Variants in VPS13A observed in about 807,000 individuals in gnomAD.
VPS13A encodes vacuolar protein sorting 13 homolog A.
VPS13A carries 264 observed loss-of-function variants against 390.9 expected under a neutral mutation model. The ratio of observed to expected loss-of-function variants is 0.68; its 90% CI spans 0.61 to 0.75. VPS13A has a LOEUF of 0.75. Ranked by LOEUF, VPS13A falls within the 30% of genes least tolerant of loss-of-function variation. VPS13A has a pLI of 0.00. For missense variants in VPS13A, 3,409 were observed against 3,733.9 expected, an observed-to-expected ratio of 0.91 and a Z score of 2.27; for synonymous variants, 1,231 against 1,227.1, an observed-to-expected ratio of 1.00 and a Z score of -0.07.
intron 68 of VPS13A, chr9:77,389,977 C>T (rs1833839653): frequency 1.8e-6 from 1 of 556,140 alleles, no homozygotes; most frequent in Non-Finnish European, 2.3e-6. Flanking sequence ...TAATTAGCTT[C>T]AAACACTGCC....
Position 77,339,678 on chromosome 9 carries a change from G to A in VPS13A, c.6541G>A (p.Val2181Ile), listed in dbSNP as rs146158125. ...GCCTAATCAGCAAGACATTAGTTTTGTCAGTTTTACTTGTGTTACAGAAAT... is the reference window on the plus strand; with the variant it reads ...GCCTAATCAGCAAGACATTAGTTTTATCAGTTTTACTTGTGTTACAGAAAT... ...IKPNQQDISFVSFTCVTEMEK... is the reference protein window; with the variant it reads ...IKPNQQDISFISFTCVTEMEK... The change falls in exon 48 of 72, where the codon GTC (valine) becomes ATC (isoleucine). Residue 2181 changes from valine (V) to isoleucine (I), a missense_variant. Around this residue, in one of 5 missense-constraint regions of VPS13A, gnomAD observed 2,717 missense variants for 2,917.4 expected, o/e 0.93. Transcript: ENST00000360280. The A allele has an allele frequency of 2.0e-4, 326 of 1,613,884 alleles. 1 individual carries two copies. Among genetic ancestry groups the A allele is most frequent in the Middle Eastern group, 1.7e-4 (1 of 6,058 alleles).
rs557285967 is a variant in VPS13A, at chr9:77,372,104, A to G, written c.9077+955A>G. 5.4e-3 allele frequency among the ~76,000 whole-genome samples: 818 copies of G among 151,450 alleles called. 5 individuals are homozygous for G. Among genetic ancestry groups the G allele is most frequent in the Middle Eastern group, 0.017 (5 of 294 alleles). ...CTTTGCTATTGTGAATAATGCCGCA[A>G]TAAACATACGTGTGCGTGTGTCTTT... is the stretch of plus-strand genomic sequence containing the variant. On this transcript the variant is annotated intron_variant, in intron 67 of 71. Transcript: ENST00000360280.
chr9:77,383,364 T>A (rs547502250), intron 68 of VPS13A, among the ~76,000 whole-genome samples: 56 of 152,166 alleles, frequency 3.7e-4, no homozygotes, highest in African/African-American at 1.3e-3. Context: ...GGACAGATTG[T>A]GCAGTCTCTA....
intron 17 of VPS13A, among the ~76,000 whole-genome samples, chr9:77,236,788 C>T (rs1398591078): frequency 6.6e-6 from 1 of 152,226 alleles, no homozygotes; most frequent in African/African-American, 2.4e-5. Context: ...ATCTTCTTAG[C>T]TGCGCCCATA....
chr9:77,317,390 C>T (rs1451016742), intron 39 of VPS13A, among the ~76,000 whole-genome samples: 1 of 151,844 alleles, frequency 6.6e-6, no homozygotes, highest in Non-Finnish European at 1.5e-5. Flanking sequence ...ACCTTGTGCT[C>T]AGATAAAACT....
chr9:77,281,281 A>G (rs1034776939), intron 27 of VPS13A, among the ~76,000 whole-genome samples: 7 of 151,962 alleles, frequency 4.6e-5, no homozygotes, highest in African/African-American at 1.7e-4. Flanking sequence ...AACAACCAAG[A>G]AAGTGAATTT....
chr9:77,372,393 G>T (rs550466053), intron 67 of VPS13A, among the ~76,000 whole-genome samples: 419 of 152,064 alleles, frequency 2.8e-3, no homozygotes, highest in African/African-American at 3.5e-3. Context: ...TGCATTTCTC[G>T]GATGGCCAGT....
chr9:77,379,896 T>C (rs1393934020), intron 67 of VPS13A, among the ~76,000 whole-genome samples: 1 of 152,212 alleles, frequency 6.6e-6, no homozygotes, highest in Non-Finnish European at 1.5e-5. Context: ...AGTTCTCTTT[T>C]TTCCTTGCTG....
At chr9:77,254,162 C>G (rs955286793) in intron 22 of VPS13A, among the ~76,000 whole-genome samples, 2 of 152,002 alleles carry the variant, frequency 1.3e-5, no homozygotes, top group Non-Finnish European at 2.9e-5. Context: ...CCAGGATGGT[C>G]TTGATCTCCT....
chr9:77,208,842 G>A (rs939393498), intron 5 of VPS13A, among the ~76,000 whole-genome samples: 1 of 152,192 alleles, frequency 6.6e-6, no homozygotes, highest in African/African-American at 2.4e-5. Context: ...GAGCCACCTT[G>A]CCCCTCCAAT....
chr9:77,375,130 TG>T (rs1832997693), intron 67 of VPS13A, among the ~76,000 whole-genome samples: 1 of 152,186 alleles, frequency 6.6e-6, no homozygotes, highest in Non-Finnish European at 1.5e-5. Flanking sequence ...TTGAAACATA[TG>T]AAGGCTTCTT....
At chr9:77,335,757 A>G (rs1830508242) in intron 46 of VPS13A, among the ~76,000 whole-genome samples, 1 of 152,230 alleles carries the variant, frequency 6.6e-6, no homozygotes, top group Non-Finnish European at 1.5e-5. Flanking sequence ...TTTTGGTGGT[A>G]GTGTAAATTA....
intron 46 of VPS13A, among the ~76,000 whole-genome samples, chr9:77,336,509 G>A (rs886650686): frequency 6.6e-6 from 1 of 151,828 alleles, no homozygotes; most frequent in East Asian, 1.9e-4. Flanking sequence ...GAAAGCTTGC[G>A]ATTATTTTTT....
chr9:77,401,379 A>G (rs1281670636), intron 68 of VPS13A, among the ~76,000 whole-genome samples: 3 of 140,772 alleles, frequency 2.1e-5, no homozygotes, highest in Non-Finnish European at 3.2e-5. Context: ...GTGTGTAAAA[A>G]TTGGGAGGGA....
chr9:77,221,324 A>G lies in VPS13A; in HGVS notation c.1129A>G (p.Lys377Glu). The G allele has an allele frequency of 6.2e-7, 1 of 1,613,232 alleles. No individual in the cohort carries two copies. The highest frequency in any genetic ancestry group is 1.1e-5 in the South Asian group (1 of 91,066). ...ELYKKKLTSKKPPGELLVSLE... is the reference protein window; with the variant it reads ...ELYKKKLTSKEPPGELLVSLE... The stretch of plus-strand genomic sequence containing the variant: ...GTATAAAAAAAAGTTAACAAGTAAG[A>G]AGCCACCTGGTGAACTTCTCGTGTC... The change falls in exon 13 of 72, where the codon AAG becomes GAG. Residue 377 changes from lysine to glutamate, a missense_variant. By Grantham distance (56) the Lys-to-Glu change is moderately conservative. Coordinates refer to ENST00000360280, the MANE Select transcript of VPS13A (RefSeq NM_033305.3).
intron 41 of VPS13A, 112 bp from the exon 42 acceptor site, chr9:77,319,460 G>A (rs1829609437): frequency 1.4e-6 from 1 of 715,602 alleles, no homozygotes; most frequent in East Asian, 2.8e-5. Flanking sequence ...CTTATAGGAA[G>A]CTACTGAATG....
chr9:77,274,019 G>A (rs1257229140), intron 24 of VPS13A, among the ~76,000 whole-genome samples: 1 of 152,008 alleles, frequency 6.6e-6, no homozygotes, highest in African/African-American at 2.4e-5. Context: ...GAAATTTAAG[G>A]CAATAGCAGA....
At position 77,220,394 on chromosome 9, in the gene VPS13A, TG is replaced by T; in HGVS notation, c.989+12del. The T allele has an allele frequency of 6.4e-7, 1 of 1,557,740 alleles. No individual in the cohort carries two copies. Among genetic ancestry groups the T allele is most frequent in the Non-Finnish European group, 8.8e-7 (1 of 1,142,666 alleles). On this transcript the variant is annotated intron_variant, in intron 12 of 71. Coordinates refer to ENST00000360280, the MANE Select transcript of VPS13A (RefSeq NM_033305.3). Reference sequence around the variant, plus strand: ...CCATGCCAGAGAATGGTAAATGCCTTGATTTTTTTTTTTTTTTAGATTTTAA... The same window carrying T: ...CCATGCCAGAGAATGGTAAATGCCTTATTTTTTTTTTTTTTTAGATTTTAA...
chr9:77,266,991 T>G (rs879435093), intron 23 of VPS13A, among the ~76,000 whole-genome samples: 26 of 152,116 alleles, frequency 1.7e-4, no homozygotes, highest in Non-Finnish European at 2.5e-4. Context: ...GAAGTTCTCA[T>G]GCTGTGTTTT....
Sources: allele counts gnomAD v4.1 joint callset (sites outside exome capture counted in the v4.1 genomes callset), GRCh38; gene constraint gnomAD v4.1.1; regional missense constraint gnomAD v4.1.1; transcripts MANE v1.5; gene names NCBI Gene and HGNC (gene_info 2026-07-23, HGNC 2026-07-21).